PPM1H: variants seen among roughly 807,000 people sequenced by gnomAD.
PPM1H encodes protein phosphatase, Mg2+/Mn2+ dependent 1H.
Under a neutral mutation model 54.9 loss-of-function variants are expected in PPM1H, and 27 were observed. The observed-to-expected ratio is 0.49, with a 90% CI of 0.36 to 0.68. The LOEUF (loss-of-function observed/expected upper bound fraction) is 0.68. PPM1H is among the 30% of genes least tolerant of loss of function. The pLI, the probability that PPM1H is intolerant of heterozygous loss-of-function variation, is 0.00. For synonymous variants in PPM1H, 305 were observed against 270.8 expected, an observed-to-expected ratio of 1.13 and a Z score of -1.24; for missense variants, 596 against 667.8, an observed-to-expected ratio of 0.89 and a Z score of 1.19.
At chr12:62,849,233 T>C (rs1869088962) in intron 1 of PPM1H, among the ~76,000 whole-genome samples, 1 of 152,190 alleles carries the variant, frequency 6.6e-6, no homozygotes, top group Non-Finnish European at 1.5e-5. Context: ...ATATCAAAGA[T>C]AATGATACAC....
intron 1 of PPM1H, among the ~76,000 whole-genome samples, chr12:62,853,270 C>A (rs1353157436): frequency 2.6e-5 from 4 of 151,956 alleles, no homozygotes; most frequent in Non-Finnish European, 4.4e-5. Context: ...ATAAAGCAAA[C>A]TAGCGAAATG....
At chr12:62,717,546 C>T (rs1453823144) in intron 6 of PPM1H, among the ~76,000 whole-genome samples, 1 of 150,638 alleles carries the variant, frequency 6.6e-6, no homozygotes, top group Non-Finnish European at 1.5e-5. Flanking sequence ...TAACTGTGTG[C>T]ATATAAAGTT....
intron 1 of PPM1H, among the ~76,000 whole-genome samples, chr12:62,843,004 T>C (rs1427764597): frequency 6.6e-6 from 1 of 152,068 alleles, no homozygotes; most frequent in African/African-American, 2.4e-5. Flanking sequence ...CTGACTGTTG[T>C]AAAAAAAGAA....
intron 1 of PPM1H, among the ~76,000 whole-genome samples, chr12:62,916,811 A>C (rs1164405537): frequency 6.6e-6 from 1 of 152,152 alleles, no homozygotes; most frequent in Non-Finnish European, 1.5e-5. Context: ...TGATGTAGGC[A>C]GAGTCCCAGT....
intron 1 of PPM1H, among the ~76,000 whole-genome samples, chr12:62,857,693 T>A (rs2120957826): frequency 6.6e-6 from 1 of 152,288 alleles, no homozygotes; most frequent in South Asian, 2.1e-4. Flanking sequence ...GAAGCTCAAA[T>A]TCATGTTATC....
rs34772338 is a variant in PPM1H at position 62,867,564 on chromosome 12, A to ATTTTTTTTTTTT, written c.246-35297_246-35286dup. 3.6e-3 allele frequency among the ~76,000 whole-genome samples: 197 copies of ATTTTTTTTTTTT among 55,370 alleles called. 31 individuals are homozygous for ATTTTTTTTTTTT. The highest frequency in any genetic ancestry group is 6.5e-3 in the African/African-American group (101 of 15,610). The allele number at this position is 55,370 out of a possible 152,430, so 36.3% of individuals were successfully genotyped here. A position where few individuals can be genotyped will look rare whatever the true frequency, so the allele number is the denominator to read the frequency against. On this transcript the variant is annotated intron_variant, in intron 1 of 9. Coordinates refer to ENST00000228705, the MANE Select transcript of PPM1H (RefSeq NM_020700.2). ...TCCTGAAATACATCTTATGAGCACT[A>ATTTTTTTTTTTT]TTTTTTTTTTTTTTTTTTTTTTTTT...
At chr12:62,711,980 C>G (rs1396718428) in intron 6 of PPM1H, among the ~76,000 whole-genome samples, 1 of 152,212 alleles carries the variant, frequency 6.6e-6, no homozygotes, top group African/African-American at 2.4e-5. Flanking sequence ...AGGAGATGTG[C>G]TGCACACAGC....
intron 2 of PPM1H, among the ~76,000 whole-genome samples, chr12:62,817,116 T>TAAAAAAAAAAAAAAAAGAAAAA: frequency 2.4e-5 from 1 of 41,792 alleles, no homozygotes; most frequent in African/African-American, 8.2e-5. Flanking sequence ...ACTGCATTAC[T>TAAAAAAAAAAAAAAAAGAAAAA]AAAAAAAAAA....
At chr12:62,663,191 G>A (rs554049032) in intron 9 of PPM1H, among the ~76,000 whole-genome samples, 15 of 152,220 alleles carry the variant, frequency 9.9e-5, no homozygotes, top group East Asian at 9.6e-4. Context: ...CATGAACGAC[G>A]ATGCAAGAGT....
chr12:62,899,621 C>T (rs1482187491), intron 1 of PPM1H, among the ~76,000 whole-genome samples: 1 of 152,058 alleles, frequency 6.6e-6, no homozygotes, highest in Non-Finnish European at 1.5e-5. Context: ...AGCAGAGAAC[C>T]GCAGGGACAG....
At chr12:62,687,774 C>T (rs539980542) in intron 8 of PPM1H, among the ~76,000 whole-genome samples, 5 of 152,106 alleles carry the variant, frequency 3.3e-5, no homozygotes, top group South Asian at 2.1e-4. Flanking sequence ...TTTGGGAGGC[C>T]GAGGCAGGTG....
At chr12:62,805,189 C>T (rs563962826) in intron 2 of PPM1H, among the ~76,000 whole-genome samples, 2 of 151,924 alleles carry the variant, frequency 1.3e-5, no homozygotes, top group Non-Finnish European at 2.9e-5. Flanking sequence ...CTGTTAGGAT[C>T]GCTATTATCA....
intron 2 of PPM1H, among the ~76,000 whole-genome samples, chr12:62,825,882 TA>T (rs60892289): frequency 0.2 from 27,746 of 141,484 alleles, 3,009 homozygotes; most frequent in African/African-American, 0.31. Flanking sequence ...TAAAGTATAA[TA>T]AAAAAAAAAT....
rs1402047172 is a variant in PPM1H, at chr12:62,844,752, GA to G, written c.246-12474del. Among the ~76,000 whole-genome samples the G allele has an allele frequency of 6.6e-6, 1 of 152,176 alleles. No individual in the cohort carries two copies. The highest frequency in any genetic ancestry group is 1.5e-5 in the Non-Finnish European group (1 of 68,022). On this transcript the variant is annotated intron_variant, in intron 1 of 9. Coordinates refer to ENST00000228705, the MANE Select transcript of PPM1H (RefSeq NM_020700.2). This position sits in a 1 kb window ranked among gnomAD's most constrained non-coding sequence, Gnocchi z 5.2. ...GGTACTCGATAAATGTTAATTGAAT[GA>G]ATAAACAAATGAACTCATTTTGCCA...
chr12:62,738,970 G>A (rs1282490046), intron 4 of PPM1H, among the ~76,000 whole-genome samples: 3 of 151,436 alleles, frequency 2.0e-5, no homozygotes, highest in East Asian at 3.9e-4. Flanking sequence ...TCATAGAAAC[G>A]GGAAAGTGGG....
At chr12:62,822,806 T>C (rs758673010) in intron 2 of PPM1H, among the ~76,000 whole-genome samples, 1 of 151,854 alleles carries the variant, frequency 6.6e-6, no homozygotes, top group Non-Finnish European at 1.5e-5. Context: ...CATCTAAAAT[T>C]GACACCCTAA....
chr12:62,909,027 C>G (rs1209706332), intron 1 of PPM1H, among the ~76,000 whole-genome samples: 1 of 152,044 alleles, frequency 6.6e-6, no homozygotes, highest in Non-Finnish European at 1.5e-5. Flanking sequence ...CCACCCTATC[C>G]CCTGGGCTTC....
intron 4 of PPM1H, among the ~76,000 whole-genome samples, chr12:62,746,078 C>T (rs2076408850): frequency 6.6e-6 from 1 of 152,034 alleles, no homozygotes; most frequent in Non-Finnish European, 1.5e-5. Flanking sequence ...GCCCATAGTC[C>T]CAGCTACTCA....
At chr12:62,833,375 A>G (rs1003920159) in intron 1 of PPM1H, among the ~76,000 whole-genome samples, 1 of 152,256 alleles carries the variant, frequency 6.6e-6, no homozygotes, top group African/African-American at 2.4e-5. Flanking sequence ...TTTTCATTCT[A>G]CAATAATTAT....
Sources: allele counts gnomAD v4.1 joint callset (sites outside exome capture counted in the v4.1 genomes callset), GRCh38; gene constraint gnomAD v4.1.1; non-coding constraint Gnocchi (gnomAD v3.1); transcripts MANE v1.5; gene names NCBI Gene and HGNC (gene_info 2026-07-23, HGNC 2026-07-21).